ABLIM2: variants seen among roughly 807,000 people sequenced by gnomAD.
The protein encoded by ABLIM2 is actin binding LIM protein family member 2, also known as actin-binding LIM protein 2.
ABLIM2 carries 53 observed loss-of-function variants against 97.7 expected under a neutral mutation model. The ratio of observed to expected loss-of-function variants is 0.54; its 90% CI spans 0.44 to 0.68. The LOEUF is 0.68. Ranked by LOEUF, ABLIM2 falls within the 30% of genes least tolerant of loss-of-function variation. The pLI is 0.00. For synonymous variants in ABLIM2, 361 were observed against 345.8 expected (o/e 1.04, Z -0.49); for missense variants, 835 against 867.2 (o/e 0.96, Z 0.47).
chr4:8,157,955 C>A (rs976795954), intron 1 of ABLIM2, among the ~76,000 whole-genome samples: 1 of 152,278 alleles, frequency 6.6e-6, no homozygotes, highest in Non-Finnish European at 1.5e-5. Flanking sequence ...CAGGGCTCAC[C>A]GCCAAGGGCT....
intron 20 of ABLIM2, among the ~76,000 whole-genome samples, chr4:7,978,440 G>A (rs1735316041): frequency 1.3e-5 from 2 of 152,164 alleles, no homozygotes; most frequent in South Asian, 2.1e-4. Flanking sequence ...TTTTCATGTT[G>A]TATTATTGCC....
intron 1 of ABLIM2, among the ~76,000 whole-genome samples, chr4:8,121,401 CCCACAT>C (rs1845383002): frequency 6.6e-6 from 1 of 152,232 alleles, no homozygotes; most frequent in Non-Finnish European, 1.5e-5. Flanking sequence ...GCCCCCGGCA[CCCACAT>C]TCCTGGAGGG....
At chr4:8,139,127 G>A (rs1024167605) in intron 1 of ABLIM2, among the ~76,000 whole-genome samples, 2 of 152,144 alleles carry the variant, frequency 1.3e-5, no homozygotes, top group Non-Finnish European at 2.9e-5. Context: ...AACCCAGGAG[G>A]CGGAGGTTGC....
chr4:8,109,838 G>A (rs1281897769), intron 1 of ABLIM2, among the ~76,000 whole-genome samples: 1 of 152,266 alleles, frequency 6.6e-6, no homozygotes, highest in East Asian at 1.9e-4. Context: ...ACAGCCCAGT[G>A]AGGGTCCCTG....
intron 20 of ABLIM2, among the ~76,000 whole-genome samples, chr4:7,971,623 C>T (rs1197264797): frequency 6.6e-6 from 1 of 152,090 alleles, no homozygotes. Flanking sequence ...TCCTGCCTCC[C>T]ACCTGGACCT....
chr4:8,050,672 A>G (rs1001210378), intron 8 of ABLIM2, among the ~76,000 whole-genome samples: 1 of 152,088 alleles, frequency 6.6e-6, no homozygotes, highest in Admixed American at 6.5e-5. Flanking sequence ...ACTGGCTTGC[A>G]CCTGACGGAA....
chr4:8,088,341 A>AG, intron 3 of ABLIM2, 57 bp from the exon 4 acceptor site: 1 of 1,446,132 alleles, frequency 6.9e-7, no homozygotes, highest in Non-Finnish European at 9.6e-7. Flanking sequence ...TCTCTGGGGG[A>AG]GCCCTGTCCC....
chr4:8,102,221 T>G (rs1489977366), intron 2 of ABLIM2, among the ~76,000 whole-genome samples: 4 of 152,208 alleles, frequency 2.6e-5, no homozygotes, highest in Non-Finnish European at 4.4e-5. Flanking sequence ...CCTGCCTGCT[T>G]CCGGGTCTCT....
intron 20 of ABLIM2, among the ~76,000 whole-genome samples, chr4:7,969,286 T>C (rs190424587): frequency 6.6e-6 from 1 of 152,160 alleles, no homozygotes; most frequent in Non-Finnish European, 1.5e-5. Flanking sequence ...AGACTCCATC[T>C]CTACAAAAAT....
intron 17 of ABLIM2, among the ~76,000 whole-genome samples, chr4:7,991,047 G>T (rs539498898): frequency 6.6e-6 from 1 of 152,316 alleles, no homozygotes; most frequent in Admixed American, 6.5e-5. Flanking sequence ...CCCTTAGTCT[G>T]CAGGAGAAAC....
intron 1 of ABLIM2, among the ~76,000 whole-genome samples, chr4:8,143,733 G>A (rs1281078531): frequency 3.3e-5 from 5 of 152,180 alleles, no homozygotes; most frequent in African/African-American, 1.2e-4. Context: ...CTGGAGGGAA[G>A]AACTGCCTCC....
chr4:8,129,966 G>T (rs1012684276), intron 1 of ABLIM2, among the ~76,000 whole-genome samples: 4 of 152,238 alleles, frequency 2.6e-5, no homozygotes, highest in African/African-American at 9.6e-5. Flanking sequence ...CAGGGAGGCT[G>T]CTGGAGCCAG....
intron 6 of ABLIM2, among the ~76,000 whole-genome samples, chr4:8,062,955 T>A (rs1804352277): frequency 6.6e-6 from 1 of 152,232 alleles, no homozygotes; most frequent in Non-Finnish European, 1.5e-5. Flanking sequence ...GCAGGAGTTC[T>A]GTGACAGCCA....
chr4:7,979,913 T>C (rs1736645343), intron 20 of ABLIM2, among the ~76,000 whole-genome samples: 1 of 152,168 alleles, frequency 6.6e-6, no homozygotes, highest in Non-Finnish European at 1.5e-5. Context: ...GAGAAAGATG[T>C]GGGTCTCTTC....
At chr4:8,049,012 AG>A (rs1794323766) in intron 8 of ABLIM2, among the ~76,000 whole-genome samples, 1 of 152,114 alleles carries the variant, frequency 6.6e-6, no homozygotes, top group African/African-American at 2.4e-5. Context: ...CACCACCCAG[AG>A]CCAGAACCAG....
intron 14 of ABLIM2, among the ~76,000 whole-genome samples, chr4:8,012,896 T>C (rs1046247702): frequency 1.2e-4 from 19 of 152,302 alleles, no homozygotes; most frequent in African/African-American, 4.3e-4. Flanking sequence ...AATCCATCGA[T>C]CAGTCCATCT....
At chr4:8,039,881 T>TG (rs1553989695) in intron 9 of ABLIM2, among the ~76,000 whole-genome samples, 2 of 141,856 alleles carry the variant, frequency 1.4e-5, no homozygotes, top group African/African-American at 5.4e-5. Flanking sequence ...ACTGTTTTTT[T>TG]TTTTTTTTTT....
chr4:8,008,936 C>G, intron 15 of ABLIM2, 114 bp downstream of exon 15: 1 of 1,305,142 alleles, frequency 7.7e-7, no homozygotes, highest in African/African-American at 1.5e-5. Context: ...TCGCAGGGCC[C>G]CTAAGGAACA....
At chr4:8,141,706 T>C (rs1265045118) in intron 1 of ABLIM2, among the ~76,000 whole-genome samples, 1 of 152,154 alleles carries the variant, frequency 6.6e-6, no homozygotes, top group Non-Finnish European at 1.5e-5. Context: ...TTATGCTTGA[T>C]ATTAGGAGCA....
Sources: gnomAD v4.1 joint callset for allele counts (sites outside exome capture counted in the v4.1 genomes callset) on GRCh38, gnomAD v4.1.1 for gene constraint, MANE v1.5 for transcripts, NCBI Gene and HGNC (gene_info 2026-07-23, HGNC 2026-07-21) for gene names.